GTF2A1: variants seen among roughly 807,000 people sequenced by gnomAD.
The protein encoded by GTF2A1 is transcription initiation factor IIA subunit 1.
Under a neutral mutation model 54.1 loss-of-function variants are expected in GTF2A1, and 12 were observed. That is an observed-to-expected ratio of 0.22 (90% CI 0.14 to 0.36). The LOEUF (loss-of-function observed/expected upper bound fraction) is 0.36. Among genes scored for constraint, GTF2A1 ranks in the 10% least tolerant of loss-of-function variants. The pLI is 1.00. For missense variants in GTF2A1, 335 were observed against 442.2 expected (o/e 0.76, Z 2.17); for synonymous variants, 145 against 152.0 (o/e 0.95, Z 0.34).
chr14:81,198,112 T>C (rs557986568), intron 4 of GTF2A1, among the ~76,000 whole-genome samples: 1 of 152,168 alleles, frequency 6.6e-6, no homozygotes. Flanking sequence ...AGGTGAAACA[T>C]GCATTAATAA....
intron 6 of GTF2A1, among the ~76,000 whole-genome samples, chr14:81,195,625 C>G (rs1363484852): frequency 3.4e-5 from 3 of 89,074 alleles, no homozygotes; most frequent in African/African-American, 1.4e-4. Flanking sequence ...GAGCAAGACT[C>G]TGTCTCGAAA....
chr14:81,209,869 C>T (rs1297920433), intron 2 of GTF2A1: 3 of 1,230,316 alleles, frequency 2.4e-6, no homozygotes, highest in Non-Finnish European at 3.2e-6. Context: ...TTTGTACTTA[C>T]CACACAAAGT....
At chr14:81,187,619 C>T (rs1406206907) in intron 7 of GTF2A1, among the ~76,000 whole-genome samples, 2 of 152,096 alleles carry the variant, frequency 1.3e-5, no homozygotes, top group South Asian at 2.1e-4. Flanking sequence ...TAATATGTGG[C>T]GTTGTGTGGC....
At chr14:81,197,239 G>A (rs375349742) in intron 5 of GTF2A1, 170 bp downstream of exon 5, 2 of 527,138 alleles carry the variant, frequency 3.8e-6, no homozygotes, top group South Asian at 2.8e-5. Context: ...CCTCAACAAC[G>A]ATTACAGTTA....
Position 81,180,096 on chromosome 14 carries a change from T to C in GTF2A1, c.*127A>G. ...AAGGTCTATCTTTGTTCCAGTAGCT[T>C]TGCTTCTACTGCACTTTTCTGACAT... On this transcript the variant is annotated 3_prime_UTR_variant, in exon 9 of 9. Transcript: ENST00000553612. 2.1e-6 allele frequency: 1 copy of C among 465,860 alleles called. No homozygotes were observed. The highest frequency in any genetic ancestry group is 3.5e-5 in the East Asian group (1 of 28,778). 28.9% of individuals were successfully genotyped at this position (465,860 alleles called of 1,614,324 possible). A position where few individuals can be genotyped will look rare whatever the true frequency, so the allele number is the denominator to read the frequency against.
chr14:81,211,564 T>G (rs974184751), intron 2 of GTF2A1, among the ~76,000 whole-genome samples: 3 of 152,012 alleles, frequency 2.0e-5, no homozygotes, highest in Admixed American at 1.3e-4. Context: ...ATCACTCCCC[T>G]ACTGTTAATC....
intron 2 of GTF2A1, among the ~76,000 whole-genome samples, chr14:81,210,284 G>T (rs975436261): frequency 1.3e-5 from 2 of 152,092 alleles, no homozygotes; most frequent in African/African-American, 4.8e-5. Context: ...TTACCAAAAA[G>T]TTCAAATTAA....
chr14:81,195,733 A>G (rs1203482633), intron 6 of GTF2A1, among the ~76,000 whole-genome samples: 3 of 151,998 alleles, frequency 2.0e-5, no homozygotes, highest in Non-Finnish European at 4.4e-5. Flanking sequence ...CTACACACCC[A>G]CTTCCAGTAA....
chr14:81,175,961 C>G lies in GTF2A1; in HGVS notation c.*4262G>C, dbSNP rs1012682512. ...AAGCTAGTATTAATCATTTGTAACA[C>G]AGTTTACTAATTCAAATTGACATCT... On this transcript the variant is annotated 3_prime_UTR_variant, in exon 9 of 9. Coordinates refer to ENST00000553612, the MANE Select transcript of GTF2A1 (RefSeq NM_015859.4). 2.0e-5 allele frequency: 3 copies of G among 152,148 alleles called. No homozygotes were observed. Among genetic ancestry groups the G allele is most frequent in the African/African-American group, 7.2e-5 (3 of 41,440 alleles). 9.4% of individuals were successfully genotyped at this position (152,148 alleles called of 1,614,324 possible).
chr14:81,185,673 GAA>G, intron 7 of GTF2A1, 53 bp from the exon 8 acceptor site: 16 of 823,112 alleles, frequency 1.9e-5, no homozygotes, highest in South Asian at 9.9e-5. Flanking sequence ...AATATTCACT[GAA>G]AAAAAAAATA....
chr14:81,185,416 A>T, intron 8 of GTF2A1, 115 bp downstream of exon 8: 1 of 600,666 alleles, frequency 1.7e-6, no homozygotes, highest in East Asian at 2.9e-5. Context: ...ACTATTCATA[A>T]TGAATTTAAG....
intron 8 of GTF2A1, among the ~76,000 whole-genome samples, chr14:81,182,135 T>A (rs1892652629): frequency 6.6e-6 from 1 of 152,050 alleles, no homozygotes; most frequent in Non-Finnish European, 1.5e-5. Flanking sequence ...ACAACCTTCA[T>A]CTTATTTGGA....
Position 81,203,923 on chromosome 14 carries a change from A to C in GTF2A1, c.314T>G (p.Val105Gly). 1 of 1,613,902 alleles carries C rather than the reference A, an allele frequency of 6.2e-7. No individual in the cohort carries two copies. Among genetic ancestry groups the C allele is most frequent in the African/African-American group, 1.3e-5 (1 of 75,052 alleles). ...TVPQQAQTQQVLIPASQQATA... is the reference protein window; with the variant it reads ...TVPQQAQTQQGLIPASQQATA... Reference sequence around the variant, plus strand: ...ACCTTGCTGTGATGCAGGAATAAGAACCTGCTGGGTCTGCGCTTGCTGAGG... The same window carrying C: ...ACCTTGCTGTGATGCAGGAATAAGACCCTGCTGGGTCTGCGCTTGCTGAGG... The change falls in exon 3 of 9, where the codon GTT becomes GGT. Residue 105 changes from valine to glycine, a missense_variant. By Grantham distance (109) the Val-to-Gly change is moderately radical (BLOSUM62 -3). Transcript: ENST00000553612.
At chr14:81,188,100 A>G (rs1300224450) in intron 7 of GTF2A1, among the ~76,000 whole-genome samples, 3 of 152,224 alleles carry the variant, frequency 2.0e-5, no homozygotes, top group African/African-American at 7.2e-5. Flanking sequence ...ATCTTTTCAT[A>G]TGCTTGTTAG....
At position 81,176,937 on chromosome 14, in the gene GTF2A1, T is replaced by C. The variant is rs1892541183; in HGVS notation, c.*3286A>G. The C allele has an allele frequency of 6.6e-6, 1 of 152,104 alleles. No individual in the cohort carries two copies. Among genetic ancestry groups the C allele is most frequent in the Non-Finnish European group, 1.5e-5 (1 of 67,964 alleles). 9.4% of individuals were successfully genotyped at this position (152,104 alleles called of 1,614,324 possible). A position where few individuals can be genotyped will look rare whatever the true frequency, so the allele number is the denominator to read the frequency against. ...ACTCCCAAGAGGAAATTATGTCTGT[T>C]TTCCTATACAAGGGGTATTTACCCT... On this transcript the variant is annotated 3_prime_UTR_variant, in exon 9 of 9. Coordinates refer to ENST00000553612, the MANE Select transcript of GTF2A1 (RefSeq NM_015859.4).
At chr14:81,181,266 T>A (rs1167071137) in intron 8 of GTF2A1, among the ~76,000 whole-genome samples, 1 of 152,088 alleles carries the variant, frequency 6.6e-6, no homozygotes, top group Non-Finnish European at 1.5e-5. Flanking sequence ...GTCACACTAA[T>A]TATTTAATGT....
At chr14:81,207,744 T>G (rs926952738) in intron 2 of GTF2A1, among the ~76,000 whole-genome samples, 14 of 152,244 alleles carry the variant, frequency 9.2e-5, no homozygotes, top group Admixed American at 1.3e-4. Flanking sequence ...TGGTCTCAGA[T>G]GGCGATGAGG....
In GTF2A1 at chr14:81,216,414, G is replaced by C. The variant is rs1595232932; in HGVS notation, c.131C>G (p.Thr44Ser). Residue 44 changes from threonine (T) to serine (S), a missense_variant and splice_region_variant, in exon 2 of 9, where the codon ACT becomes AGT. Physicochemically the swap from Thr to Ser is moderately conservative, Grantham distance 58 (BLOSUM62 1). Coordinates refer to ENST00000553612, the MANE Select transcript of GTF2A1 (RefSeq NM_015859.4). ...ATTTTAAAAAAAAGACAAACTCACA[G>C]TTTTTAGTTCCATCAGTACTTGTTC... The part of the protein sequence containing the change: ...VDEQVLMELK[T>S]LWENKLMQSR... 7.7e-7 allele frequency: 1 copy of C among 1,300,698 alleles called. No homozygotes were observed. The highest frequency in any genetic ancestry group is 2.3e-5 in the East Asian group (1 of 43,242). 80.6% of individuals were successfully genotyped at this position (1,300,698 alleles called of 1,614,324 possible).
intron 1 of GTF2A1, among the ~76,000 whole-genome samples, chr14:81,220,229 G>GCGGCA (rs1555391031): frequency 7.9e-6 from 1 of 125,956 alleles, no homozygotes; most frequent in Non-Finnish European, 1.7e-5. Flanking sequence ...AACCGCCTCC[G>GCGGCA]CGGCCCGGCC....
Sources: gnomAD v4.1 joint callset for allele counts (sites outside exome capture counted in the v4.1 genomes callset) on GRCh38, gnomAD v4.1.1 for gene constraint, MANE v1.5 for transcripts, NCBI Gene and HGNC (gene_info 2026-07-23, HGNC 2026-07-21) for gene names.